The following SLC9A9 variants were observed in gnomAD, a reference collection of about 807,000 sequenced individuals.
The protein encoded by SLC9A9 is solute carrier family 9 member A9.
Under a neutral mutation model 77.8 loss-of-function variants are expected in SLC9A9, and 62 were observed. The observed-to-expected ratio is 0.80, with a 90% CI of 0.65 to 0.98. The LOEUF is 0.98. Ranked by LOEUF, SLC9A9 falls within the 50% of genes least tolerant of loss-of-function variation. SLC9A9 has a pLI of 0.00. For missense variants in SLC9A9, 775 were observed against 774.9 expected, an observed-to-expected ratio of 1.00 and a Z score of 0.00; for synonymous variants, 320 against 283.5, an observed-to-expected ratio of 1.13 and a Z score of -1.29.
At chr3:143,540,725 A>G (rs569801381) in intron 9 of SLC9A9, among the ~76,000 whole-genome samples, 8 of 152,350 alleles carry the variant, frequency 5.3e-5, no homozygotes, top group African/African-American at 1.9e-4. Context: ...GCACTACTCT[A>G]TTCTTTGTGT....
At chr3:143,559,085 G>A (rs4839643) in intron 8 of SLC9A9, among the ~76,000 whole-genome samples, 17 of 152,006 alleles carry the variant, frequency 1.1e-4, no homozygotes, top group Non-Finnish European at 1.3e-4. Context: ...CTCTCCTGCC[G>A]CCCTGAGAAG....
chr3:143,291,152 T>G (rs575319997), intron 14 of SLC9A9, among the ~76,000 whole-genome samples: 78 of 152,204 alleles, frequency 5.1e-4, no homozygotes, highest in Non-Finnish European at 9.9e-4. Context: ...ACATGGAGAA[T>G]AGGGAAGTTG....
chr3:143,401,800 A>C (rs976662332), intron 12 of SLC9A9, among the ~76,000 whole-genome samples: 1 of 152,204 alleles, frequency 6.6e-6, no homozygotes, highest in Non-Finnish European at 1.5e-5. Flanking sequence ...TAGGACCTAC[A>C]CAGGAGGAAT....
intron 13 of SLC9A9, among the ~76,000 whole-genome samples, chr3:143,366,351 G>C (rs2032901386): frequency 6.6e-6 from 1 of 152,224 alleles, no homozygotes; most frequent in South Asian, 2.1e-4. Flanking sequence ...GAGAGTCCTA[G>C]AGAAGGAAAG....
At chr3:143,434,170 C>T (rs1404621737) in intron 12 of SLC9A9, among the ~76,000 whole-genome samples, 1 of 152,296 alleles carries the variant, frequency 6.6e-6, no homozygotes, top group East Asian at 1.9e-4. Context: ...GCATCTTTCT[C>T]AAGGTGGCTC....
chr3:143,421,805 C>T (rs1038436974), intron 12 of SLC9A9, among the ~76,000 whole-genome samples: 1 of 152,016 alleles, frequency 6.6e-6, no homozygotes, highest in Admixed American at 6.6e-5. Context: ...AACAGGCCAC[C>T]CACAGAATAG....
Position 143,696,855 on chromosome 3 carries a change from A to G in SLC9A9, c.534-3548T>C, listed in dbSNP as rs1933656362. On this transcript the variant is annotated intron_variant, in intron 4 of 15. Coordinates refer to ENST00000316549, the MANE Select transcript of SLC9A9 (RefSeq NM_173653.4). ...TACATGGAAACTAGAAGCCTCATAT[A>G]CTATTGCTGGAAACGAAATTAAAGT... Among the ~76,000 whole-genome samples, 5 of 152,134 alleles carry G rather than the reference A, an allele frequency of 3.3e-5. No homozygotes were observed. The South Asian group carries it at 1.0e-3, about 31-fold the overall frequency.
At chr3:143,764,966 CT>C (rs1431088422) in intron 4 of SLC9A9, among the ~76,000 whole-genome samples, 2 of 120,378 alleles carry the variant, frequency 1.7e-5, no homozygotes, top group African/African-American at 7.5e-5. Context: ...TTTTGTTTCT[CT>C]TTCTTTCCTT....
At chr3:143,480,241 A>G (rs1019790444) in intron 11 of SLC9A9, among the ~76,000 whole-genome samples, 1 of 152,222 alleles carries the variant, frequency 6.6e-6, no homozygotes, top group African/African-American at 2.4e-5. Flanking sequence ...GGTAATTTTT[A>G]TCGTAAATTT....
At chr3:143,567,211 A>C (rs554664395) in intron 8 of SLC9A9, among the ~76,000 whole-genome samples, 6 of 152,254 alleles carry the variant, frequency 3.9e-5, no homozygotes, top group Admixed American at 6.5e-5. Flanking sequence ...CAAAGCAATA[A>C]ATTCCTTTGA....
At chr3:143,831,481 T>C (rs921880195) in intron 2 of SLC9A9, among the ~76,000 whole-genome samples, 1 of 152,188 alleles carries the variant, frequency 6.6e-6, no homozygotes, top group African/African-American at 2.4e-5. Context: ...ACCAAACTGA[T>C]AGTCACGATT....
intron 9 of SLC9A9, among the ~76,000 whole-genome samples, chr3:143,542,250 C>T (rs986346500): frequency 6.6e-6 from 1 of 152,124 alleles, no homozygotes; most frequent in Non-Finnish European, 1.5e-5. Context: ...AAACACTTTG[C>T]CATCATTTAT....
chr3:143,581,289 G>A (rs2037447645), intron 6 of SLC9A9, among the ~76,000 whole-genome samples: 1 of 152,112 alleles, frequency 6.6e-6, no homozygotes, highest in African/African-American at 2.4e-5. Context: ...ACGTGTGGTG[G>A]GGTAAAGATG....
At chr3:143,819,403 C>T (rs1468616659) in intron 2 of SLC9A9, among the ~76,000 whole-genome samples, 1 of 152,194 alleles carries the variant, frequency 6.6e-6, no homozygotes, top group African/African-American at 2.4e-5. Flanking sequence ...CTACATAATT[C>T]TAAACATTTA....
chr3:143,759,222 G>T (rs2007030468), intron 4 of SLC9A9, among the ~76,000 whole-genome samples: 1 of 152,032 alleles, frequency 6.6e-6, no homozygotes, highest in African/African-American at 2.4e-5. Flanking sequence ...GACCTCTTGA[G>T]AGCTACCATG....
chr3:143,606,164 G>C (rs1456596953), intron 6 of SLC9A9, among the ~76,000 whole-genome samples: 1 of 151,768 alleles, frequency 6.6e-6, no homozygotes, highest in East Asian at 1.9e-4. Context: ...CAGCACGTTG[G>C]GAGGCTGAGG....
chr3:143,506,813 A>G (rs1292511823), intron 9 of SLC9A9, among the ~76,000 whole-genome samples: 2 of 152,158 alleles, frequency 1.3e-5, no homozygotes, highest in South Asian at 4.2e-4. Flanking sequence ...GAATAAGACA[A>G]TTAGTTTCTC....
intron 4 of SLC9A9, among the ~76,000 whole-genome samples, chr3:143,741,305 G>T (rs1048223766): frequency 1.3e-4 from 20 of 152,078 alleles, no homozygotes; most frequent in East Asian, 1.9e-4. Flanking sequence ...TGTCAAAGGG[G>T]CACAGAAACC....
At chr3:143,737,432 G>A (rs940357793) in intron 4 of SLC9A9, among the ~76,000 whole-genome samples, 2 of 149,596 alleles carry the variant, frequency 1.3e-5, no homozygotes, top group African/African-American at 4.9e-5. Context: ...GCTTGATTCA[G>A]AATTCACTCA....
Sources: gnomAD v4.1 joint callset for allele counts (sites outside exome capture counted in the v4.1 genomes callset) on GRCh38, gnomAD v4.1.1 for gene constraint, MANE v1.5 for transcripts, NCBI Gene and HGNC (gene_info 2026-07-23, HGNC 2026-07-21) for gene names.